SPTSSA: variants seen among roughly 807,000 people sequenced by gnomAD.
SPTSSA encodes small subunit of serine palmitoyltransferase A.
SPTSSA carries 8 observed loss-of-function variants against 9.1 expected under a neutral mutation model. That is an observed-to-expected ratio of 0.88 (90% CI 0.51 to 1.58). SPTSSA has a LOEUF of 1.58. Among genes scored for constraint, SPTSSA ranks in the 40% most tolerant of loss-of-function variants. The pLI is 0.00. For missense variants in SPTSSA, 100 were observed against 93.8 expected (o/e 1.07, Z -0.27); for synonymous variants, 42 against 37.7 (o/e 1.11, Z -0.41).
chr14:34,437,037 C>G (rs1014846072), intron 1 of SPTSSA, among the ~76,000 whole-genome samples: 1 of 152,210 alleles, frequency 6.6e-6, no homozygotes, highest in Non-Finnish European at 1.5e-5. Flanking sequence ...TCTTACTCCT[C>G]CAGACTGTAG....
At chr14:34,446,661 G>A (rs112766275) in intron 1 of SPTSSA, among the ~76,000 whole-genome samples, 2,889 of 152,282 alleles carry the variant, frequency 0.019, 97 homozygotes, top group African/African-American at 0.066. Context: ...CCCTCTTCTA[G>A]AAGGGCATCA....
At chr14:34,460,219 T>C (rs1878588833) in intron 1 of SPTSSA, among the ~76,000 whole-genome samples, 1 of 152,226 alleles carries the variant, frequency 6.6e-6, no homozygotes, top group South Asian at 2.1e-4. Context: ...GACTGGCTTA[T>C]GTCAAACAAT....
chr14:34,454,335 G>T (rs972531613), intron 1 of SPTSSA, among the ~76,000 whole-genome samples: 3 of 152,186 alleles, frequency 2.0e-5, no homozygotes, highest in South Asian at 2.1e-4. Flanking sequence ...CTGAAACACT[G>T]CTGCAGAATA....
Position 34,435,034 on chromosome 14 carries a change from A to G in SPTSSA, c.*167T>C. ...TCTTTGAAAATTAAAAATAAAGAAC[A>G]CAACACATGAGTCAGGATGATTTTC... On this transcript the variant is annotated 3_prime_UTR_variant, in exon 2 of 2. Coordinates refer to ENST00000298130, the MANE Select transcript of SPTSSA (RefSeq NM_138288.4). The G allele has an allele frequency of 2.2e-6, 1 of 464,114 alleles. No homozygotes were observed. The allele number at this position is 464,114 out of a possible 1,614,324, so 28.7% of individuals were successfully genotyped here. A position where few individuals can be genotyped will look rare whatever the true frequency, so the allele number is the denominator to read the frequency against.
chr14:34,439,627 A>G (rs1240199992), intron 1 of SPTSSA, among the ~76,000 whole-genome samples: 2 of 152,176 alleles, frequency 1.3e-5, no homozygotes, highest in Non-Finnish European at 2.9e-5. Context: ...TCATATTACA[A>G]GAGTCTCAGA....
chr14:34,447,902 A>G (rs1036806544), intron 1 of SPTSSA, among the ~76,000 whole-genome samples: 1 of 152,194 alleles, frequency 6.6e-6, no homozygotes, highest in African/African-American at 2.4e-5. Context: ...GCTTCAGATG[A>G]TCATGCAACA....
At chr14:34,444,650 G>T (rs1883389047) in intron 1 of SPTSSA, among the ~76,000 whole-genome samples, 1 of 151,906 alleles carries the variant, frequency 6.6e-6, no homozygotes, top group African/African-American at 2.4e-5. Context: ...TACCTGGGAG[G>T]CTGAGGCAGG....
intron 1 of SPTSSA, among the ~76,000 whole-genome samples, chr14:34,451,908 A>C (rs867186951): frequency 2.2e-4 from 33 of 152,116 alleles, no homozygotes; most frequent in Non-Finnish European, 2.9e-4. Flanking sequence ...TACTGAATGA[A>C]GCCCCAAACA....
chr14:34,436,255 C>T (rs1251525422), intron 1 of SPTSSA, among the ~76,000 whole-genome samples: 2 of 152,156 alleles, frequency 1.3e-5, no homozygotes, highest in Non-Finnish European at 2.9e-5. Context: ...CCTTTCTGTA[C>T]CATGTTCCTT....
intron 1 of SPTSSA, among the ~76,000 whole-genome samples, chr14:34,443,662 A>G (rs898053864): frequency 4.6e-5 from 7 of 151,926 alleles, no homozygotes; most frequent in Admixed American, 1.3e-4. Flanking sequence ...CAGCCCCCCA[A>G]GTAGCTGGGA....
intron 1 of SPTSSA, among the ~76,000 whole-genome samples, chr14:34,449,972 G>T (rs1463372682): frequency 6.6e-6 from 1 of 152,172 alleles, no homozygotes; most frequent in Non-Finnish European, 1.5e-5. Flanking sequence ...TGAGTTTTAA[G>T]AAATGGGTAG....
At chr14:34,451,563 AAT>A (rs1251984967) in intron 1 of SPTSSA, among the ~76,000 whole-genome samples, 1 of 152,068 alleles carries the variant, frequency 6.6e-6, no homozygotes, top group Non-Finnish European at 1.5e-5. Context: ...CTCTACTAAA[AAT>A]ACAAAAAATT....
intron 1 of SPTSSA, among the ~76,000 whole-genome samples, chr14:34,461,366 A>C (rs1566428182): frequency 1.3e-5 from 2 of 152,240 alleles, no homozygotes; most frequent in Admixed American, 1.3e-4. Context: ...CGTGCTTTGC[A>C]CAAATGCTTT....
In SPTSSA at chr14:34,435,397, T is replaced by C. The variant is rs956075391; in HGVS notation, c.113-93A>G. 2.1e-5 allele frequency: 17 copies of C among 796,876 alleles called. No homozygotes were observed. The South Asian group carries it at 2.8e-4, about 13-fold the overall frequency. The allele number at this position is 796,876 out of a possible 1,614,324, so 49.4% of individuals were successfully genotyped here. A position where few individuals can be genotyped will look rare whatever the true frequency, so the allele number is the denominator to read the frequency against. On this transcript the variant is annotated intron_variant, in intron 1 of 1. Coordinates refer to ENST00000298130, the MANE Select transcript of SPTSSA (RefSeq NM_138288.4). ...CAACTCTTTTATGCTGAAGTACCCATTCACTTAGTGCTTTCTCATTTATAT... is the reference window on the plus strand; with the variant it reads ...CAACTCTTTTATGCTGAAGTACCCACTCACTTAGTGCTTTCTCATTTATAT...
intron 1 of SPTSSA, among the ~76,000 whole-genome samples, chr14:34,437,872 T>C (rs780078096): frequency 2.6e-5 from 4 of 152,142 alleles, no homozygotes; most frequent in Non-Finnish European, 4.4e-5. Flanking sequence ...ACAATCATAG[T>C]TCACCACAGC....
intron 1 of SPTSSA, among the ~76,000 whole-genome samples, chr14:34,443,166 TGTGTG>T (rs1883352258): frequency 6.9e-5 from 6 of 87,158 alleles, no homozygotes; most frequent in African/African-American, 3.9e-4. Flanking sequence ...TGTGTGTGTG[TGTGTG>T]TTTTGAGATT....
chr14:34,455,430 A>G (rs548611976), intron 1 of SPTSSA, among the ~76,000 whole-genome samples: 13 of 152,118 alleles, frequency 8.5e-5, no homozygotes, highest in Non-Finnish European at 1.5e-4. Flanking sequence ...TATTCACAGA[A>G]TATCTCAGGA....
At chr14:34,442,776 G>A (rs1459502169) in intron 1 of SPTSSA, among the ~76,000 whole-genome samples, 1 of 152,158 alleles carries the variant, frequency 6.6e-6, no homozygotes, top group Non-Finnish European at 1.5e-5. Context: ...AGTCTGGGGA[G>A]GTTTGGCCTT....
At chr14:34,436,936 A>T (rs1422806938) in intron 1 of SPTSSA, among the ~76,000 whole-genome samples, 53 of 119,374 alleles carry the variant, frequency 4.4e-4, no homozygotes, top group South Asian at 2.3e-4. Flanking sequence ...TAATTTCTTT[A>T]AAAAAAAAAA....
Sources: gnomAD v4.1 joint callset for allele counts (sites outside exome capture counted in the v4.1 genomes callset) on GRCh38, gnomAD v4.1.1 for gene constraint, MANE v1.5 for transcripts, NCBI Gene and HGNC (gene_info 2026-07-23, HGNC 2026-07-21) for gene names.